Variants in IPMK observed in about 807,000 individuals in gnomAD.
The protein encoded by IPMK is inositol polyphosphate multikinase.
In IPMK, 17 loss-of-function variants were observed where a neutral mutation model predicts 45.8. The ratio of observed to expected loss-of-function variants is 0.37; its 90% CI spans 0.25 to 0.56. The LOEUF is 0.56. Ranked by LOEUF, IPMK falls within the 20% of genes least tolerant of loss-of-function variation. The pLI is 0.79. For missense variants in IPMK, 399 were observed against 498.0 expected, an observed-to-expected ratio of 0.80 and a Z score of 1.89; for synonymous variants, 180 against 184.3, an observed-to-expected ratio of 0.98 and a Z score of 0.19.
At chr10:58,213,166 T>C (rs1838191443) in intron 4 of IPMK, 1 of 152,278 alleles carries the variant, frequency 6.6e-6, no homozygotes, top group South Asian at 2.1e-4. Context: ...CAGTTTTTTA[T>C]GTACTGAGTT....
chr10:58,242,897 A>G (rs553142612), intron 1 of IPMK, among the ~76,000 whole-genome samples: 2 of 152,182 alleles, frequency 1.3e-5, no homozygotes, highest in African/African-American at 2.4e-5. Flanking sequence ...GTGAGTTCTC[A>G]TAAGATCTGG....
intron 3 of IPMK, among the ~76,000 whole-genome samples, chr10:58,217,346 C>G (rs899553405): frequency 6.6e-6 from 1 of 151,716 alleles, no homozygotes; most frequent in African/African-American, 2.4e-5. Context: ...GGGTCCAGGT[C>G]CCAAGGGAAA....
chr10:58,254,620 T>A (rs1016157766), intron 1 of IPMK, among the ~76,000 whole-genome samples: 1 of 152,240 alleles, frequency 6.6e-6, no homozygotes, highest in Non-Finnish European at 1.5e-5. Flanking sequence ...AATCCTTGCA[T>A]CTTTATGTTG....
chr10:58,232,548 A>G (rs1379921129), intron 2 of IPMK, among the ~76,000 whole-genome samples: 1 of 152,234 alleles, frequency 6.6e-6, no homozygotes, highest in African/African-American at 2.4e-5. Context: ...GCACAACTAC[A>G]TGGAAACTGA....
At chr10:58,246,968 A>G (rs957885602) in intron 1 of IPMK, among the ~76,000 whole-genome samples, 1 of 150,294 alleles carries the variant, frequency 6.7e-6, no homozygotes, top group Non-Finnish European at 1.5e-5. Context: ...GAAAAAAACA[A>G]ACAACCCCAT....
chr10:58,267,752 C>T lies in IPMK; in HGVS notation c.-141G>A. ...CCCGCGGCTGGTGCCCTCTGAAGCG[C>T]GGGGAGGGGGCCCATGACGCCGCCG... is the stretch of plus-strand genomic sequence containing the variant. On this transcript the variant is annotated 5_prime_UTR_variant, in exon 1 of 6. Coordinates refer to ENST00000373935, the MANE Select transcript of IPMK (RefSeq NM_152230.5). 1.7e-6 allele frequency: 1 copy of T among 584,968 alleles called. No individual in the cohort carries two copies. The highest frequency in any genetic ancestry group is 3.0e-6 in the Non-Finnish European group (1 of 330,384). The allele number at this position is 584,968 out of a possible 1,614,324, so 36.2% of individuals were successfully genotyped here.
intron 2 of IPMK, among the ~76,000 whole-genome samples, chr10:58,236,010 C>A (rs923933316): frequency 6.6e-6 from 1 of 151,850 alleles, no homozygotes; most frequent in African/African-American, 2.4e-5. Flanking sequence ...CTTACTGCAA[C>A]CTCCACCTCC....
chr10:58,202,482 T>C (rs781564333), intron 4 of IPMK, among the ~76,000 whole-genome samples: 2 of 152,060 alleles, frequency 1.3e-5, no homozygotes, highest in Non-Finnish European at 2.9e-5. Context: ...CTGAGCATCA[T>C]AGTGAGACCC....
intron 1 of IPMK, among the ~76,000 whole-genome samples, chr10:58,253,692 C>T (rs1225623045): frequency 2.0e-5 from 3 of 147,338 alleles, no homozygotes; most frequent in Non-Finnish European, 4.5e-5. Flanking sequence ...AGCCATCACA[C>T]CACTGCAATC....
chr10:58,238,197 C>A (rs544516560), intron 1 of IPMK, among the ~76,000 whole-genome samples: 8 of 152,264 alleles, frequency 5.3e-5, no homozygotes, highest in Admixed American at 5.2e-4. Flanking sequence ...CTTTTAAAAC[C>A]AGAAAAGAAC....
rs989598355 is a variant in IPMK, at chr10:58,236,411, T to C, written c.276+1318A>G. On this transcript the variant is annotated intron_variant, in intron 2 of 5. Transcript: ENST00000373935. ...AGATCTTAAGCACTCCCAAGCAAAA[T>C]CTCACAATGCATAGTATTAAAAAAT... is the stretch of plus-strand genomic sequence containing the variant. Among the ~76,000 whole-genome samples, 8 of 152,166 alleles carry C rather than the reference T, an allele frequency of 5.3e-5. No individual in the cohort carries two copies. In the East Asian group the frequency reaches 5.8e-4, roughly 11 times the overall value.
At chr10:58,230,440 G>A (rs1314963617) in intron 2 of IPMK, among the ~76,000 whole-genome samples, 3 of 152,122 alleles carry the variant, frequency 2.0e-5, no homozygotes, top group Non-Finnish European at 2.9e-5. Flanking sequence ...TGCCCCTCTC[G>A]GACAAAGCTT....
At chr10:58,199,184 A>G in intron 5 of IPMK, 56 bp downstream of exon 5, 1 of 1,049,774 alleles carries the variant, frequency 9.5e-7, no homozygotes, top group South Asian at 1.5e-5. Flanking sequence ...AACTGAAATA[A>G]CTTTAGAAGT....
At chr10:58,200,443 C>A (rs1837980929) in intron 4 of IPMK, among the ~76,000 whole-genome samples, 1 of 151,684 alleles carries the variant, frequency 6.6e-6, no homozygotes, top group African/African-American at 2.4e-5. Context: ...TAACCATAAG[C>A]CAACTCTGAA....
At chr10:58,224,186 G>A (rs1200418730) in intron 3 of IPMK, among the ~76,000 whole-genome samples, 1 of 152,148 alleles carries the variant, frequency 6.6e-6, no homozygotes, top group African/African-American at 2.4e-5. Flanking sequence ...TTCAGTTCAT[G>A]CCTCCTGCAA....
At chr10:58,238,138 CTT>C (rs1838641835) in intron 1 of IPMK, among the ~76,000 whole-genome samples, 1 of 152,174 alleles carries the variant, frequency 6.6e-6, no homozygotes. Context: ...AAGATGTTAA[CTT>C]ATAGTTATAA....
rs978937214 is a variant in IPMK, at chr10:58,191,712, C to G, written c.*4364G>C. On this transcript the variant is annotated 3_prime_UTR_variant, in exon 6 of 6. Coordinates refer to ENST00000373935, the MANE Select transcript of IPMK (RefSeq NM_152230.5). ...TTACAAACACATTTAAAAAAAAACC[C>G]TAAAGACATTTATACATTTAAACCA... The G allele has an allele frequency of 3.3e-5, 5 of 151,990 alleles. No homozygotes were observed. The highest frequency in any genetic ancestry group is 1.2e-4 in the African/African-American group (5 of 41,374). The allele number at this position is 151,990 out of a possible 1,614,324, so 9.4% of individuals were successfully genotyped here. A position where few individuals can be genotyped will look rare whatever the true frequency, so the allele number is the denominator to read the frequency against.
At chr10:58,253,372 T>C (rs1158674618) in intron 1 of IPMK, among the ~76,000 whole-genome samples, 1 of 152,160 alleles carries the variant, frequency 6.6e-6, no homozygotes, top group Non-Finnish European at 1.5e-5. Flanking sequence ...GGTCTGGCAT[T>C]GATGTATTCC....
intron 1 of IPMK, among the ~76,000 whole-genome samples, chr10:58,240,028 A>C (rs892263813): frequency 2.9e-4 from 44 of 152,232 alleles, no homozygotes; most frequent in African/African-American, 9.7e-4. Context: ...CATACTCAAA[A>C]TATCAGGAAA....
Sources: allele counts gnomAD v4.1 joint callset (sites outside exome capture counted in the v4.1 genomes callset), GRCh38; gene constraint gnomAD v4.1.1; transcripts MANE v1.5; gene names NCBI Gene and HGNC (gene_info 2026-07-23, HGNC 2026-07-21).